Variants in RTTN observed in about 807,000 individuals in gnomAD.
RTTN encodes the protein rotatin.
A neutral mutation model predicts 269.2 loss-of-function variants in RTTN; 182 were observed. The observed-to-expected ratio is 0.68, with a 90% confidence interval of 0.60 to 0.76. RTTN has a LOEUF of 0.76. RTTN is among the 30% of genes least tolerant of loss of function. RTTN has a pLI of 0.00. For missense variants in RTTN, 2,545 were observed against 2,608.6 expected, an observed-to-expected ratio of 0.98 and a Z score of 0.53; for synonymous variants, 1,006 against 963.5, an observed-to-expected ratio of 1.04 and a Z score of -0.82.
chr18:70,032,678 G>A (rs931888159), intron 40 of RTTN, among the ~76,000 whole-genome samples: 1 of 152,150 alleles, frequency 6.6e-6, no homozygotes, highest in African/African-American at 2.4e-5. Context: ...GATTCATAAA[G>A]CAAGTTCTTA....
intron 26 of RTTN, among the ~76,000 whole-genome samples, chr18:70,115,520 TA>T (rs66581269): frequency 8.7e-5 from 13 of 149,158 alleles, no homozygotes; most frequent in African/African-American, 2.9e-4. Flanking sequence ...GGCACTGTGC[TA>T]AAAAAAAAAG....
intron 19 of RTTN, among the ~76,000 whole-genome samples, chr18:70,141,586 A>C (rs1174616932): frequency 1.3e-5 from 2 of 152,114 alleles, no homozygotes; most frequent in South Asian, 4.2e-4. Flanking sequence ...GATCACTTGG[A>C]CACAGGGCGG....
At chr18:70,197,332 A>G (rs886193721) in intron 6 of RTTN, among the ~76,000 whole-genome samples, 10 of 152,234 alleles carry the variant, frequency 6.6e-5, no homozygotes, top group African/African-American at 2.2e-4. Context: ...ACTTTTAATA[A>G]GGGCTCCTGC....
chr18:70,149,993 CAG>C lies in RTTN; in HGVS notation c.2148_2149del (p.Cys717SerfsTer18). 6.2e-7 allele frequency: 1 copy of C among 1,610,942 alleles called. No homozygotes were observed. The highest frequency in any genetic ancestry group is 8.5e-7 in the Non-Finnish European group (1 of 1,177,294). ...TACCTGTAGTATTGGGATGACAGGACAGAGAGATTCAATAAACTTGTTCCAGG... is the reference window on the plus strand; with the variant it reads ...TACCTGTAGTATTGGGATGACAGGACAGAGATTCAATAAACTTGTTCCAGG... On this transcript the variant is annotated frameshift_variant, in exon 16 of 49. Coordinates refer to ENST00000640769, the MANE Select transcript of RTTN (RefSeq NM_173630.4). LOFTEE classifies it high-confidence loss of function.
At chr18:70,176,886 A>G in intron 10 of RTTN, 41 bp from the exon 11 acceptor site, 1 of 1,519,188 alleles carries the variant, frequency 6.6e-7, no homozygotes, top group Non-Finnish European at 9.0e-7. Flanking sequence ...GAAAACAACC[A>G]ATTTTAGGGG....
At chr18:70,067,875 T>C (rs796165874) in intron 34 of RTTN, among the ~76,000 whole-genome samples, 21 of 152,334 alleles carry the variant, frequency 1.4e-4, no homozygotes, top group African/African-American at 4.8e-4. Flanking sequence ...GGTCAGGCAT[T>C]AATAAAGATG....
Position 70,098,050 on chromosome 18 carries a change from C to T in RTTN, c.3904-5246G>A, listed in dbSNP as rs183160604. 1.5e-3 allele frequency among the ~76,000 whole-genome samples: 87 copies of T among 59,556 alleles called. No individual in the cohort carries two copies. In the East Asian group the frequency reaches 0.33, roughly 227 times the overall value. 39.1% of individuals were successfully genotyped at this position (59,556 alleles called of 152,430 possible). Reference sequence around the variant, plus strand: ...AATAGAGTATTTATAAATCACATGACAAAAAATGCTATAAACTAGGTACTT... The same window carrying T: ...AATAGAGTATTTATAAATCACATGATAAAAAATGCTATAAACTAGGTACTT... On this transcript the variant is annotated intron_variant, in intron 28 of 48. Transcript: ENST00000640769.
chr18:70,020,387 A>C (rs990304570), intron 45 of RTTN, among the ~76,000 whole-genome samples: 2 of 152,238 alleles, frequency 1.3e-5, no homozygotes, highest in South Asian at 2.1e-4. Flanking sequence ...AAAGCTAAGA[A>C]GATAAATGAG....
In RTTN at chr18:70,134,515, G is replaced by A. The variant is rs201796504; in HGVS notation, c.2912C>T (p.Ser971Phe). The A allele has an allele frequency of 3.4e-4, 541 of 1,610,446 alleles. No individual in the cohort carries two copies. The highest frequency in any genetic ancestry group is 4.4e-4 in the Non-Finnish European group (513 of 1,178,194). The change falls in exon 23 of 49, where the codon TCT (serine) becomes TTT (phenylalanine). Residue 971 changes from serine (S) to phenylalanine (F), a missense_variant. Physicochemically the swap from Ser to Phe is radical, Grantham distance 155 (BLOSUM62 -2). Transcript: ENST00000640769. Reference sequence around the variant, plus strand: ...AGGCAAACTGAAGACCGATGGCAAAGAAGGTTTATTGGAAGGATTAACAGA... The same window carrying A: ...AGGCAAACTGAAGACCGATGGCAAAAAAGGTTTATTGGAAGGATTAACAGA... ...MWSVNPSNKPSLPSVFSLPVS... is the reference protein window; with the variant it reads ...MWSVNPSNKPFLPSVFSLPVS...
chr18:70,175,657 T>C (rs1555773519), intron 11 of RTTN, among the ~76,000 whole-genome samples: 1 of 149,874 alleles, frequency 6.7e-6, no homozygotes, highest in East Asian at 1.9e-4. Flanking sequence ...ATCCCTTAAG[T>C]TACTAAAATA....
At chr18:70,120,164 A>C (rs2059699272) in intron 26 of RTTN, among the ~76,000 whole-genome samples, 1 of 152,094 alleles carries the variant, frequency 6.6e-6, no homozygotes, top group Non-Finnish European at 1.5e-5. Flanking sequence ...AAAACCTGAG[A>C]TAGCACATCA....
At chr18:70,176,589 C>G (rs2061307183) in intron 11 of RTTN, 86 bp downstream of exon 11, 1 of 1,275,170 alleles carries the variant, frequency 7.8e-7, no homozygotes, top group Non-Finnish European at 1.1e-6. Context: ...TACCTTCACA[C>G]CATGAAAAGA....
At chr18:70,134,862 C>T (rs1599717694) in intron 22 of RTTN, among the ~76,000 whole-genome samples, 1 of 151,904 alleles carries the variant, frequency 6.6e-6, no homozygotes, top group Admixed American at 6.6e-5. Context: ...AAATATCTTC[C>T]GAGGTTTTTT....
At chr18:70,205,391 C>A (rs942657996) in intron 1 of RTTN, 76 bp from the exon 2 acceptor site, 1 of 1,564,968 alleles carries the variant, frequency 6.4e-7, no homozygotes, top group South Asian at 1.1e-5. Context: ...TGGGCAGGAG[C>A]GGCGTGAAGA....
rs116451518 is a variant in RTTN at position 70,117,784 on chromosome 18, C to T, written c.3529-3185G>A. Among the ~76,000 whole-genome samples, 601 of 152,030 alleles carry T rather than the reference C, an allele frequency of 4.0e-3. 6 individuals are homozygous for T. The highest frequency in any genetic ancestry group is 0.014 in the Middle Eastern group (4 of 292). ...ACAAGACTGAAATCATATCTAATATCATTTCTGACCATAGTGATAAAAAAC... is the reference window on the plus strand; with the variant it reads ...ACAAGACTGAAATCATATCTAATATTATTTCTGACCATAGTGATAAAAAAC... On this transcript the variant is annotated intron_variant, in intron 26 of 48. Coordinates refer to ENST00000640769, the MANE Select transcript of RTTN (RefSeq NM_173630.4).
chr18:70,055,693 G>C (rs1159599793), intron 37 of RTTN, among the ~76,000 whole-genome samples: 1 of 152,150 alleles, frequency 6.6e-6, no homozygotes, highest in Non-Finnish European at 1.5e-5. Context: ...ACCATGCCAG[G>C]TGAGGCAAGA....
intron 12 of RTTN, among the ~76,000 whole-genome samples, chr18:70,167,807 AG>A (rs890191530): frequency 2.0e-5 from 3 of 152,244 alleles, no homozygotes; most frequent in Middle Eastern, 3.4e-3. Context: ...GCAAAAGGAA[AG>A]GGGAAAAAAA....
At chr18:70,069,606 A>T (rs2058241621) in intron 34 of RTTN, among the ~76,000 whole-genome samples, 1 of 152,234 alleles carries the variant, frequency 6.6e-6, no homozygotes, top group Non-Finnish European at 1.5e-5. Flanking sequence ...ATCAATGTAC[A>T]AAAATGATTT....
At position 70,062,373 on chromosome 18, in the gene RTTN, CCTAA is replaced by C. The variant is rs142560204; in HGVS notation, c.4748-2335_4748-2332del. ...ACACTGTTCCCATCCTCTCTTATTT[CCTAA>C]CTAACTCCCACCCATTCTCATAATT... On this transcript the variant is annotated intron_variant, in intron 35 of 48. Coordinates refer to ENST00000640769, the MANE Select transcript of RTTN (RefSeq NM_173630.4). Among the ~76,000 whole-genome samples, 155 of 152,228 alleles carry C rather than the reference CCTAA, an allele frequency of 1.0e-3. 1 individual carries two copies. The highest frequency in any genetic ancestry group is 7.5e-3 in the East Asian group (39 of 5,172).
Sources: allele counts gnomAD v4.1 joint callset (sites outside exome capture counted in the v4.1 genomes callset), GRCh38; gene constraint gnomAD v4.1.1; transcripts MANE v1.5; gene names NCBI Gene and HGNC (gene_info 2026-07-23, HGNC 2026-07-21).